Variants in ELMO1 observed in about 807,000 individuals in gnomAD.
ELMO1 encodes the protein engulfment and cell motility 1.
In ELMO1, 26 loss-of-function variants were observed where a neutral mutation model predicts 98.9. The observed-to-expected ratio is 0.26, with a 90% CI of 0.19 to 0.36. ELMO1 has a LOEUF of 0.36. Ranked by LOEUF, ELMO1 falls within the 10% of genes least tolerant of loss-of-function variation. ELMO1 has a pLI of 1.00. For missense variants in ELMO1, 627 were observed against 935.2 expected (o/e 0.67, Z 4.30); for synonymous variants, 346 against 346.0 (o/e 1.00, Z 0.00).
chr7:36,909,236 C>T (rs941123170), intron 16 of ELMO1, among the ~76,000 whole-genome samples: 11 of 152,120 alleles, frequency 7.2e-5, no homozygotes, highest in Non-Finnish European at 1.2e-4. Context: ...TAAGTAAGCA[C>T]TCAAGTAGTA....
At chr7:37,066,636 C>T (rs1562978422) in intron 15 of ELMO1, among the ~76,000 whole-genome samples, 1 of 152,060 alleles carries the variant, frequency 6.6e-6, no homozygotes, top group Non-Finnish European at 1.5e-5. Context: ...AGGAGGATAT[C>T]GAATGTTCCC....
At chr7:37,299,355 T>A (rs1562594293) in intron 4 of ELMO1, among the ~76,000 whole-genome samples, 1 of 150,964 alleles carries the variant, frequency 6.6e-6, no homozygotes, top group Non-Finnish European at 1.5e-5. Flanking sequence ...CATGCCTATG[T>A]CCTGAATGGT....
At chr7:37,326,895 T>C (rs900752250) in intron 2 of ELMO1, among the ~76,000 whole-genome samples, 13 of 152,222 alleles carry the variant, frequency 8.5e-5, no homozygotes, top group African/African-American at 3.1e-4. Context: ...CTTTAGATAA[T>C]GACAGAACTA....
chr7:37,097,895 C>G (rs1784444493), intron 14 of ELMO1, among the ~76,000 whole-genome samples: 1 of 152,206 alleles, frequency 6.6e-6, no homozygotes. Flanking sequence ...AATCCCTCCT[C>G]TGAAAATCCT....
At chr7:37,156,850 T>C (rs2193020) in intron 13 of ELMO1, among the ~76,000 whole-genome samples, 139,318 of 152,222 alleles carry the variant, frequency 0.92, 64,144 homozygotes, top group Non-Finnish European at 0.97. Context: ...CAAAGCCTGG[T>C]GGAGACAAAA....
intron 4 of ELMO1, among the ~76,000 whole-genome samples, chr7:37,295,955 C>T (rs1332639691): frequency 6.6e-6 from 1 of 152,102 alleles, no homozygotes; most frequent in Non-Finnish European, 1.5e-5. Flanking sequence ...GTGGAGGAAA[C>T]GTGAATACAT....
At chr7:37,236,661 G>A (rs887892571) in intron 7 of ELMO1, among the ~76,000 whole-genome samples, 1 of 152,008 alleles carries the variant, frequency 6.6e-6, no homozygotes, top group African/African-American at 2.4e-5. Flanking sequence ...CCGGTTGCTG[G>A]GTGACATAGT....
chr7:37,248,109 A>G (rs780368919), intron 6 of ELMO1, among the ~76,000 whole-genome samples: 3 of 150,972 alleles, frequency 2.0e-5, no homozygotes, highest in African/African-American at 7.3e-5. Context: ...TCAAATTTGC[A>G]TCCTCACTTT....
At chr7:37,131,766 C>T (rs1259231126) in intron 14 of ELMO1, among the ~76,000 whole-genome samples, 1 of 152,130 alleles carries the variant, frequency 6.6e-6, no homozygotes, top group Non-Finnish European at 1.5e-5. Flanking sequence ...CACCTGATCC[C>T]AAACCTTTCA....
chr7:37,425,710 A>C (rs1804669347), intron 1 of ELMO1, among the ~76,000 whole-genome samples: 1 of 152,248 alleles, frequency 6.6e-6, no homozygotes, highest in Non-Finnish European at 1.5e-5. Context: ...TGCTCCACAG[A>C]GTATTGGTTC....
intron 1 of ELMO1, among the ~76,000 whole-genome samples, chr7:37,426,004 C>T (rs542796115): frequency 1.3e-5 from 2 of 152,218 alleles, no homozygotes; most frequent in African/African-American, 4.8e-5. Context: ...TTGATGTGAA[C>T]TATTCTCAGG....
At chr7:37,386,077 G>A (rs1382439879) in intron 1 of ELMO1, among the ~76,000 whole-genome samples, 1 of 152,206 alleles carries the variant, frequency 6.6e-6, no homozygotes, top group African/African-American at 2.4e-5. Context: ...CTTTAAGGAA[G>A]TGCCTGCAAC....
chr7:36,973,275 GT>G (rs1430379238), intron 16 of ELMO1, among the ~76,000 whole-genome samples: 1 of 152,226 alleles, frequency 6.6e-6, no homozygotes, highest in African/African-American at 2.4e-5. Context: ...CGAGACTGCT[GT>G]TCTTTTTCTC....
At chr7:37,345,630 C>A (rs1800963753) in intron 1 of ELMO1, among the ~76,000 whole-genome samples, 1 of 151,142 alleles carries the variant, frequency 6.6e-6, no homozygotes, top group Non-Finnish European at 1.5e-5. Flanking sequence ...TCATTTGAAC[C>A]CGGGAGGTGG....
intron 13 of ELMO1, among the ~76,000 whole-genome samples, chr7:37,203,254 C>G (rs894763865): frequency 6.6e-6 from 1 of 152,148 alleles, no homozygotes; most frequent in African/African-American, 2.4e-5. Flanking sequence ...TTCTCGAAAA[C>G]CTGTTAGAGT....
At chr7:37,043,704 G>A (rs1584556926) in intron 15 of ELMO1, among the ~76,000 whole-genome samples, 6 of 152,156 alleles carry the variant, frequency 3.9e-5, no homozygotes, top group African/African-American at 1.2e-4. Context: ...TTATCCGAAA[G>A]GTTCCCGGTG....
chr7:37,320,392 T>C (rs951627530), intron 2 of ELMO1, among the ~76,000 whole-genome samples: 9 of 152,116 alleles, frequency 5.9e-5, no homozygotes, highest in Non-Finnish European at 1.0e-4. Context: ...TGGATCTTTA[T>C]GGTGAGTCAC....
At chr7:37,169,579 C>T (rs536578868) in intron 13 of ELMO1, among the ~76,000 whole-genome samples, 2 of 152,256 alleles carry the variant, frequency 1.3e-5, no homozygotes, top group African/African-American at 2.4e-5. Context: ...TTAAGATTTG[C>T]GAGCATTCTA....
intron 14 of ELMO1, among the ~76,000 whole-genome samples, chr7:37,103,721 G>A (rs904412307): frequency 6.6e-6 from 1 of 152,052 alleles, no homozygotes. Context: ...AGAAGGCTGG[G>A]AGCAGTGGTT....
Sources: gnomAD v4.1 joint callset for allele counts (sites outside exome capture counted in the v4.1 genomes callset) on GRCh38, gnomAD v4.1.1 for gene constraint, MANE v1.5 for transcripts, NCBI Gene and HGNC (gene_info 2026-07-23, HGNC 2026-07-21) for gene names.